Variants in USP33 observed in about 807,000 individuals in gnomAD.
USP33 encodes the protein ubiquitin carboxyl-terminal hydrolase 33.
Under a neutral mutation model 124.2 loss-of-function variants are expected in USP33, and 46 were observed. The observed-to-expected ratio is 0.37, with a 90% CI of 0.29 to 0.47. The LOEUF is 0.47. Among genes scored for constraint, USP33 ranks in the 20% least tolerant of loss-of-function variants. USP33 has a pLI of 0.99. For missense variants in USP33, 851 were observed against 1,070.6 expected (o/e 0.79, Z 2.86); for synonymous variants, 350 against 352.3 (o/e 0.99, Z 0.07).
intron 1 of USP33, chr1:77,746,572 CAAAAA>C (rs1057397097): frequency 1.3e-5 from 2 of 151,628 alleles, no homozygotes; most frequent in Admixed American, 1.3e-4. Flanking sequence ...ATAGACACAA[CAAAAA>C]AAAGAGAATT....
chr1:77,711,528 TACACACACACAC>T (rs66475824), intron 21 of USP33: 10 of 351,984 alleles, frequency 2.8e-5, no homozygotes, highest in African/African-American at 8.9e-5. Context: ...TTTTGTCTCA[TACACACACACAC>T]ACACACACAC....
At chr1:77,713,540 A>C in intron 19 of USP33, 6 of 257,522 alleles carry the variant, frequency 2.3e-5, no homozygotes, top group Non-Finnish European at 2.8e-5. Context: ...ATGCTTCAAC[A>C]CACCCAGCTA....
chr1:77,718,103 A>AT (rs1676130501), intron 16 of USP33, 56 bp from the exon 17 acceptor site: 1 of 1,438,926 alleles, frequency 6.9e-7, no homozygotes, highest in Non-Finnish European at 9.4e-7. Context: ...AAAAAGCATT[A>AT]TAACAGGTAA....
chr1:77,722,571 AT>A (rs533441696), intron 12 of USP33, among the ~76,000 whole-genome samples: 206 of 152,182 alleles, frequency 1.4e-3, no homozygotes, highest in African/African-American at 4.8e-3. Flanking sequence ...GTTTTAAAAT[AT>A]TTTTTTAAAA....
chr1:77,725,129 T>C (rs570528990), intron 11 of USP33, among the ~76,000 whole-genome samples: 1 of 152,190 alleles, frequency 6.6e-6, no homozygotes, highest in East Asian at 1.9e-4. Context: ...TTCAAATGCA[T>C]TATCCTGAGA....
intron 1 of USP33, among the ~76,000 whole-genome samples, chr1:77,755,625 G>A (rs1405432903): frequency 6.6e-6 from 1 of 152,266 alleles, no homozygotes; most frequent in African/African-American, 2.4e-5. Flanking sequence ...TTGAACGCAG[G>A]AGGTGGAGGT....
At chr1:77,737,533 T>C (rs1678616002) in intron 5 of USP33, among the ~76,000 whole-genome samples, 1 of 152,226 alleles carries the variant, frequency 6.6e-6, no homozygotes, top group African/African-American at 2.4e-5. Flanking sequence ...TGTGGTAAAC[T>C]GGATTTCAAC....
chr1:77,697,264 A>T lies in USP33; in HGVS notation c.*53T>A. The T allele has an allele frequency of 6.8e-7, 1 of 1,469,500 alleles. No individual in the cohort carries two copies. The highest frequency in any genetic ancestry group is 1.4e-5 in the South Asian group (1 of 71,368). 91.0% of individuals were successfully genotyped at this position (1,469,500 alleles called of 1,614,324 possible). ...TTTAGGAATGTTTTCGCATGTGTAC[A>T]TGTCAGGGCACATGAAAATGATTCC... is the stretch of plus-strand genomic sequence containing the variant. On this transcript the variant is annotated 3_prime_UTR_variant, in exon 24 of 24. Transcript: ENST00000370794.
chr1:77,706,419 T>C (rs992137027), intron 21 of USP33, among the ~76,000 whole-genome samples: 1 of 152,338 alleles, frequency 6.6e-6, no homozygotes, highest in Non-Finnish European at 1.5e-5. Context: ...GTTCTTTATA[T>C]ACATAGTCTG....
chr1:77,733,517 T>TG lies in USP33; in HGVS notation c.524+829dup, dbSNP rs577510334. Among the ~76,000 whole-genome samples, 105 of 152,308 alleles carry TG rather than the reference T, an allele frequency of 6.9e-4. 2 individuals carry two copies. The South Asian group carries it at 0.021, about 31-fold the overall frequency. ...AAGAAAACTGAAGGCAAAATATTTATGGAGGGTTATGTCTAAATAAAAATT... is the reference window on the plus strand; with the variant it reads ...AAGAAAACTGAAGGCAAAATATTTATGGGAGGGTTATGTCTAAATAAAAATT... On this transcript the variant is annotated intron_variant, in intron 7 of 23. Transcript: ENST00000370794.
intron 8 of USP33, 133 bp from the exon 9 acceptor site, chr1:77,730,071 A>T (rs1677631394): frequency 1.2e-6 from 1 of 803,486 alleles, no homozygotes; most frequent in Non-Finnish European, 2.0e-6. Flanking sequence ...AAACTGCCTA[A>T]TATTATGTTT....
At chr1:77,717,359 A>G (rs1027184993) in intron 17 of USP33, among the ~76,000 whole-genome samples, 17 of 151,782 alleles carry the variant, frequency 1.1e-4, no homozygotes, top group Non-Finnish European at 1.8e-4. Context: ...GCGTGGTGGC[A>G]GGCGCCTGTA....
chr1:77,738,487 CTT>C (rs965765130), intron 5 of USP33, among the ~76,000 whole-genome samples: 4 of 144,774 alleles, frequency 2.8e-5, no homozygotes, highest in Admixed American at 6.9e-5. Context: ...ATCTTTTTTT[CTT>C]TTTTTTTTTT....
At chr1:77,714,188 A>T (rs1201778992) in intron 19 of USP33, among the ~76,000 whole-genome samples, 1 of 152,200 alleles carries the variant, frequency 6.6e-6, no homozygotes, top group African/African-American at 2.4e-5. Flanking sequence ...ATTCATTTAG[A>T]CAATGGGGTT....
chr1:77,743,959 A>G (rs1253590027), intron 1 of USP33, among the ~76,000 whole-genome samples: 7 of 151,992 alleles, frequency 4.6e-5, no homozygotes, highest in African/African-American at 1.5e-4. Flanking sequence ...CCCCATCTCT[A>G]CTAAGAATAC....
chr1:77,739,005 T>TA (rs981338444), intron 5 of USP33, among the ~76,000 whole-genome samples: 53 of 147,368 alleles, frequency 3.6e-4, no homozygotes, highest in Middle Eastern at 3.5e-3. Flanking sequence ...TTGAGTCATT[T>TA]AAAAAAAAAA....
At chr1:77,698,631 G>C (rs569573385) in intron 22 of USP33, among the ~76,000 whole-genome samples, 146 of 151,438 alleles carry the variant, frequency 9.6e-4, no homozygotes, top group African/African-American at 3.4e-3. Flanking sequence ...CTCCCGAGTA[G>C]CTGGGACTAC....
intron 21 of USP33, among the ~76,000 whole-genome samples, chr1:77,705,226 ACT>A (rs1457164301): frequency 6.7e-6 from 1 of 149,678 alleles, no homozygotes; most frequent in African/African-American, 2.5e-5. Context: ...ACAGAATCTC[ACT>A]CTTTCATCCA....
chr1:77,701,631 C>T (rs888170789), intron 21 of USP33, 160 bp from the exon 22 acceptor site: 7 of 550,422 alleles, frequency 1.3e-5, no homozygotes, highest in African/African-American at 2.0e-5. Flanking sequence ...TGGGCAACAT[C>T]GTGAGAACAT....
Sources: gnomAD v4.1 joint callset for allele counts (sites outside exome capture counted in the v4.1 genomes callset) on GRCh38, gnomAD v4.1.1 for gene constraint, MANE v1.5 for transcripts, NCBI Gene and HGNC (gene_info 2026-07-23, HGNC 2026-07-21) for gene names.